GALNTL6: variants seen among roughly 807,000 people sequenced by gnomAD.
GALNTL6 encodes the protein polypeptide N-acetylgalactosaminyltransferase-like 6.
Under a neutral mutation model 73.7 loss-of-function variants are expected in GALNTL6, and 46 were observed. That is an observed-to-expected ratio of 0.62 (90% CI 0.49 to 0.80). GALNTL6 has a LOEUF of 0.80. GALNTL6 is among the 30% of genes least tolerant of loss of function. The pLI, the probability that GALNTL6 is intolerant of heterozygous loss-of-function variation, is 0.00. For synonymous variants in GALNTL6, 259 were observed against 263.7 expected, an observed-to-expected ratio of 0.98 and a Z score of 0.17; for missense variants, 604 against 755.0, an observed-to-expected ratio of 0.80 and a Z score of 2.34.
intron 2 of GALNTL6, among the ~76,000 whole-genome samples, chr4:172,044,524 G>C (rs1742167801): frequency 6.6e-6 from 1 of 151,182 alleles, no homozygotes; most frequent in Non-Finnish European, 1.5e-5. Context: ...AACAGACTTA[G>C]GGAAACAAAA....
Position 172,809,235 on chromosome 4 carries a change from T to C in GALNTL6, c.554-126T>C. ...ATCTTACTAGTATCTCCCATCTAGA[T>C]GAGGAGACAAGAATGTTACCCCAGG... is the stretch of plus-strand genomic sequence containing the variant. On this transcript the variant is annotated intron_variant, in intron 5 of 12. Coordinates refer to ENST00000506823, the MANE Select transcript of GALNTL6 (RefSeq NM_001034845.3). This position sits in a 1 kb window ranked among gnomAD's most constrained non-coding sequence, Gnocchi z 4.4. The C allele has an allele frequency of 1.4e-6, 1 of 711,336 alleles. No homozygotes were observed. Among genetic ancestry groups the C allele is most frequent in the South Asian group, 1.9e-5 (1 of 53,050 alleles). 44.1% of individuals were successfully genotyped at this position (711,336 alleles called of 1,614,324 possible).
intron 5 of GALNTL6, among the ~76,000 whole-genome samples, chr4:172,432,423 T>G (rs1166841715): frequency 2.0e-5 from 3 of 151,868 alleles, no homozygotes; most frequent in African/African-American, 7.3e-5. Context: ...TAAAAAAGAA[T>G]AAAGATTTTT....
chr4:171,935,744 T>C (rs913198856), intron 2 of GALNTL6, among the ~76,000 whole-genome samples: 1 of 152,202 alleles, frequency 6.6e-6, no homozygotes, highest in African/African-American at 2.4e-5. Flanking sequence ...CAAATATAAG[T>C]AAAATCCTGA....
chr4:172,812,107 C>T (rs1481922953), intron 6 of GALNTL6, among the ~76,000 whole-genome samples: 3 of 152,066 alleles, frequency 2.0e-5, no homozygotes, highest in East Asian at 3.9e-4. Flanking sequence ...GGCATATAGA[C>T]CGAGAGGGGA....
intron 5 of GALNTL6, among the ~76,000 whole-genome samples, chr4:172,403,854 T>C (rs1744125185): frequency 6.6e-6 from 1 of 151,984 alleles, no homozygotes. Flanking sequence ...AAACGGTTGA[T>C]ACTTTTACTA....
At chr4:172,713,021 A>G (rs540365088) in intron 5 of GALNTL6, among the ~76,000 whole-genome samples, 1 of 152,256 alleles carries the variant, frequency 6.6e-6, no homozygotes, top group Non-Finnish European at 1.5e-5. Flanking sequence ...TACAGTATGC[A>G]GTATGTCTGT....
intron 2 of GALNTL6, among the ~76,000 whole-genome samples, chr4:172,179,022 A>G (rs1020265528): frequency 1.5e-5 from 2 of 137,114 alleles, no homozygotes; most frequent in South Asian, 2.5e-4. Context: ...TCCATGGTGT[A>G]TATGTGCCAC....
chr4:172,829,401 C>T (rs1033281730), intron 7 of GALNTL6, among the ~76,000 whole-genome samples: 3 of 152,168 alleles, frequency 2.0e-5, no homozygotes, highest in Admixed American at 6.5e-5. Context: ...CCTTTGGCAC[C>T]TCATTGCTTC....
intron 5 of GALNTL6, among the ~76,000 whole-genome samples, chr4:172,419,182 T>C (rs1730958069): frequency 6.6e-6 from 1 of 152,076 alleles, no homozygotes. Context: ...ATATCGAGAA[T>C]TTTTTCAAGA....
At chr4:172,958,187 G>A (rs1027473247) in intron 10 of GALNTL6, among the ~76,000 whole-genome samples, 17 of 152,206 alleles carry the variant, frequency 1.1e-4, no homozygotes, top group Non-Finnish European at 2.1e-4. Flanking sequence ...AGAATGAGTT[G>A]AGCATAGTTT....
chr4:172,857,251 A>C (rs1308340615), intron 7 of GALNTL6, among the ~76,000 whole-genome samples: 2 of 152,186 alleles, frequency 1.3e-5, no homozygotes, highest in Admixed American at 1.3e-4. Flanking sequence ...GGCAGTGTGC[A>C]TCCAAAGGAA....
chr4:172,306,940 T>C (rs1371550163), intron 3 of GALNTL6, among the ~76,000 whole-genome samples: 3 of 152,210 alleles, frequency 2.0e-5, no homozygotes, highest in Non-Finnish European at 4.4e-5. Flanking sequence ...GTAAGTGTCT[T>C]TTTCTTATGA....
chr4:172,034,399 CGTGTGTGTGTGTGTGTGTGTGT>C (rs1209195765), intron 2 of GALNTL6, among the ~76,000 whole-genome samples: 15 of 33,426 alleles, frequency 4.5e-4, no homozygotes, highest in African/African-American at 1.4e-3. Flanking sequence ...AGCGTGCGTG[CGTGTGTGTGTGTGTGTGTGTGT>C]GTGTGTGTGT....
rs566958732 is a variant in GALNTL6, at chr4:172,299,891, G to A, written c.248-11723G>A. Among the ~76,000 whole-genome samples, 116 of 152,240 alleles carry A rather than the reference G, an allele frequency of 7.6e-4. 1 individual carries two copies. Among genetic ancestry groups the A allele is most frequent in the Non-Finnish European group, 1.1e-3 (78 of 68,012 alleles). On this transcript the variant is annotated intron_variant, in intron 3 of 12. Transcript: ENST00000506823. ...TGTAGATGTCTATTAGGTCCGCTTG[G>A]TGCAGAGCTGAATTGAATTCCTGGA...
chr4:172,575,357 G>A (rs1191770144), intron 5 of GALNTL6, among the ~76,000 whole-genome samples: 1 of 152,088 alleles, frequency 6.6e-6, no homozygotes, highest in Non-Finnish European at 1.5e-5. Flanking sequence ...AAAGTCCATT[G>A]CTAACTAGGA....
At chr4:172,098,794 A>G (rs142391554) in intron 2 of GALNTL6, among the ~76,000 whole-genome samples, 72 of 152,300 alleles carry the variant, frequency 4.7e-4, no homozygotes, top group African/African-American at 1.6e-3. Flanking sequence ...AGACATTTTT[A>G]TAAGTCACAA....
chr4:172,814,962 G>A (rs931741459), intron 7 of GALNTL6, among the ~76,000 whole-genome samples: 3 of 152,098 alleles, frequency 2.0e-5, no homozygotes, highest in Admixed American at 6.6e-5. Flanking sequence ...AATAATAAAG[G>A]ACCTTTGTTA....
At chr4:172,966,395 C>G (rs927707660) in intron 10 of GALNTL6, among the ~76,000 whole-genome samples, 2 of 149,678 alleles carry the variant, frequency 1.3e-5, no homozygotes, top group Non-Finnish European at 3.0e-5. Context: ...AACAGGGAGT[C>G]GATCTTTTTT....
intron 5 of GALNTL6, among the ~76,000 whole-genome samples, chr4:172,567,217 T>C (rs1029807787): frequency 3.3e-5 from 5 of 152,022 alleles, no homozygotes; most frequent in Non-Finnish European, 5.9e-5. Flanking sequence ...TCTTTCTATA[T>C]AGTCTGGCTT....
Sources: allele counts gnomAD v4.1 joint callset (sites outside exome capture counted in the v4.1 genomes callset), GRCh38; gene constraint gnomAD v4.1.1; non-coding constraint Gnocchi (gnomAD v3.1); transcripts MANE v1.5; gene names NCBI Gene and HGNC (gene_info 2026-07-23, HGNC 2026-07-21).